Variants in NRXN1 observed in about 807,000 individuals in gnomAD.
NRXN1 encodes the protein neurexin-1.
In NRXN1, 39 loss-of-function variants were observed where a neutral mutation model predicts 150.9. That is an observed-to-expected ratio of 0.26 (90% CI 0.20 to 0.34). The LOEUF (loss-of-function observed/expected upper bound fraction) is 0.34. Among genes scored for constraint, NRXN1 ranks in the 10% least tolerant of loss-of-function variants. The probability of loss-of-function intolerance (pLI) is 1.00; values close to 1 mark genes in which losing one functional copy is unlikely to be tolerated. For missense variants in NRXN1, 1,815 were observed against 1,949.9 expected (o/e 0.93, Z 1.30); for synonymous variants, 924 against 757.0 (o/e 1.22, Z -3.62).
intron 5 of NRXN1, among the ~76,000 whole-genome samples, chr2:50,841,562 A>G (rs1297028139): frequency 1.3e-5 from 2 of 152,206 alleles, no homozygotes; most frequent in Non-Finnish European, 2.9e-5. Flanking sequence ...GACCTACGTT[A>G]GTCACAGGAC....
At chr2:50,609,506 C>T (rs1015896736) in intron 8 of NRXN1, among the ~76,000 whole-genome samples, 1 of 152,036 alleles carries the variant, frequency 6.6e-6, no homozygotes, top group Non-Finnish European at 1.5e-5. Context: ...CCAGGCACTA[C>T]TCTCAGAGCC....
intron 17 of NRXN1, among the ~76,000 whole-genome samples, chr2:50,292,938 A>G (rs1428263357): frequency 3.9e-5 from 6 of 152,196 alleles, no homozygotes; most frequent in African/African-American, 7.2e-5. Context: ...ATAGATGGCG[A>G]CCTCAATAAA....
intron 8 of NRXN1, among the ~76,000 whole-genome samples, chr2:50,578,958 A>T (rs1236912300): frequency 2.0e-5 from 3 of 152,160 alleles, no homozygotes; most frequent in Non-Finnish European, 2.9e-5. Context: ...CTTCAATTAG[A>T]TACCATGTAA....
chr2:50,109,229 C>T (rs1439806420), intron 18 of NRXN1, among the ~76,000 whole-genome samples: 3 of 152,164 alleles, frequency 2.0e-5, no homozygotes, highest in Middle Eastern at 3.4e-3. Context: ...CAATTTTTGT[C>T]TCTAACTATA....
At chr2:50,485,908 T>C (rs2090837689) in intron 15 of NRXN1, among the ~76,000 whole-genome samples, 1 of 152,250 alleles carries the variant, frequency 6.6e-6, no homozygotes, top group African/African-American at 2.4e-5. Flanking sequence ...GTAGCCGAAC[T>C]TGCCCTTTGC....
chr2:50,173,251 T>C (rs550895418), intron 18 of NRXN1, among the ~76,000 whole-genome samples: 1 of 152,294 alleles, frequency 6.6e-6, no homozygotes, highest in African/African-American at 2.4e-5. Context: ...AGATGCAGAC[T>C]ATAAACAAAT....
At chr2:50,180,268 T>C (rs1038217995) in intron 18 of NRXN1, among the ~76,000 whole-genome samples, 1 of 152,098 alleles carries the variant, frequency 6.6e-6, no homozygotes, top group Non-Finnish European at 1.5e-5. Flanking sequence ...CAAGGAATTC[T>C]CCTGCCTCAG....
intron 17 of NRXN1, among the ~76,000 whole-genome samples, chr2:50,329,723 C>G (rs1398191121): frequency 7.2e-6 from 1 of 138,170 alleles, no homozygotes; most frequent in African/African-American, 2.7e-5. Context: ...ACCCAGGCTA[C>G]AGTGCGGTGG....
At chr2:50,090,787 C>G (rs1490791200) in intron 19 of NRXN1, among the ~76,000 whole-genome samples, 6 of 152,052 alleles carry the variant, frequency 3.9e-5, no homozygotes, top group African/African-American at 1.4e-4. Flanking sequence ...AAACAAACTT[C>G]TTTTATGTAC....
intron 5 of NRXN1, among the ~76,000 whole-genome samples, chr2:50,782,920 A>G (rs1297340687): frequency 1.3e-5 from 2 of 152,196 alleles, no homozygotes; most frequent in Non-Finnish European, 2.9e-5. Context: ...AGTGGGGGAA[A>G]TGAGAGAACT....
At chr2:50,511,481 AC>A (rs1375843320) in intron 12 of NRXN1, among the ~76,000 whole-genome samples, 1 of 152,200 alleles carries the variant, frequency 6.6e-6, no homozygotes, top group African/African-American at 2.4e-5. Flanking sequence ...ACAGAGTTTG[AC>A]CTAATCTATG....
intron 5 of NRXN1, among the ~76,000 whole-genome samples, chr2:50,888,539 CTGTTA>C (rs1680602031): frequency 6.6e-6 from 1 of 151,452 alleles, no homozygotes; most frequent in African/African-American, 2.4e-5. Context: ...CTTGCTCCCT[CTGTTA>C]TCTTTTCCTC....
At chr2:50,194,443 C>A (rs1238208508) in intron 18 of NRXN1, among the ~76,000 whole-genome samples, 4 of 152,056 alleles carry the variant, frequency 2.6e-5, no homozygotes. Flanking sequence ...ATTTTTATGC[C>A]AACGTGGACT....
chr2:50,990,400 A>G (rs1698371677), intron 2 of NRXN1, among the ~76,000 whole-genome samples: 1 of 152,052 alleles, frequency 6.6e-6, no homozygotes, highest in Non-Finnish European at 1.5e-5. Context: ...TGTTTTTCAA[A>G]GCTTTTAGCT....
intron 2 of NRXN1, among the ~76,000 whole-genome samples, chr2:50,941,296 C>T (rs973970381): frequency 3.3e-5 from 5 of 151,942 alleles, no homozygotes; most frequent in African/African-American, 1.2e-4. Context: ...AAAATTGGTA[C>T]CAGGAGTGGG....
intron 2 of NRXN1, among the ~76,000 whole-genome samples, chr2:50,978,043 T>C (rs778676710): frequency 6.6e-6 from 1 of 151,322 alleles, no homozygotes; most frequent in African/African-American, 2.4e-5. Context: ...ACCTAAAAGT[T>C]GGACATCAGT....
chr2:50,718,264 C>T (rs925411163), intron 5 of NRXN1, among the ~76,000 whole-genome samples: 1 of 151,990 alleles, frequency 6.6e-6, no homozygotes, highest in Non-Finnish European at 1.5e-5. Context: ...TTATATAAAT[C>T]TTGGGCATAA....
At chr2:50,449,847 A>G (rs1006239513) in intron 17 of NRXN1, among the ~76,000 whole-genome samples, 15 of 152,164 alleles carry the variant, frequency 9.9e-5, no homozygotes, top group African/African-American at 3.6e-4. Flanking sequence ...GGGTACAGGG[A>G]GGATGTTACC....
At chr2:50,898,036 T>C (rs773210693) in intron 5 of NRXN1, among the ~76,000 whole-genome samples, 5 of 152,204 alleles carry the variant, frequency 3.3e-5, no homozygotes, top group Non-Finnish European at 5.9e-5. Context: ...AGTTTAGATA[T>C]GCCAGGTCAC....
Sources: allele counts gnomAD v4.1 joint callset (sites outside exome capture counted in the v4.1 genomes callset), GRCh38; gene constraint gnomAD v4.1.1; transcripts MANE v1.5; gene names NCBI Gene and HGNC (gene_info 2026-07-23, HGNC 2026-07-21).